LY9: variants seen among roughly 807,000 people sequenced by gnomAD.
LY9 encodes the protein T-lymphocyte surface antigen Ly-9.
LY9 carries 59 observed loss-of-function variants against 64.6 expected under a neutral mutation model. The observed-to-expected ratio is 0.91, with a 90% CI of 0.74 to 1.13. The LOEUF is 1.13. LY9 is among the 50% of genes most tolerant of loss of function. The pLI, the probability that LY9 is intolerant of heterozygous loss-of-function variation, is 0.00. For missense variants in LY9, 789 were observed against 797.2 expected, an observed-to-expected ratio of 0.99 and a Z score of 0.12; for synonymous variants, 281 against 308.5, an observed-to-expected ratio of 0.91 and a Z score of 0.93.
chr1:160,825,721 C>A (rs182582777), intron 9 of LY9, among the ~76,000 whole-genome samples: 2 of 152,062 alleles, frequency 1.3e-5, no homozygotes, highest in African/African-American at 2.4e-5. Context: ...ACCAGCCTGG[C>A]CAACATGGTA....
At position 160,816,627 on chromosome 1, in the gene LY9, T is replaced by C; in HGVS notation, c.1106T>C (p.Leu369Pro). 1 of 1,612,106 alleles carries C rather than the reference T, an allele frequency of 6.2e-7. No individual in the cohort carries two copies. The highest frequency in any genetic ancestry group is 8.5e-7 in the Non-Finnish European group (1 of 1,179,040). The change falls in exon 5 of 10, where the codon CTC (leucine) becomes CCC (proline). Residue 369 changes from leucine to proline, a missense_variant. Leu to Pro is a moderately conservative substitution (Grantham distance 98). Transcript: ENST00000263285. ...RLRKPKITWS[L>P]RHSEDGICRI... ...AGGAAGCCCAAAATCACGTGGAGCC[T>C]CAGGCACAGTGAGGATGGCATCTGC... is the stretch of plus-strand genomic sequence containing the variant.
At chr1:160,827,346 C>G (rs919135127) in intron 9 of LY9, among the ~76,000 whole-genome samples, 1 of 152,198 alleles carries the variant, frequency 6.6e-6, no homozygotes, top group Admixed American at 6.5e-5. Flanking sequence ...AGCTTGGGGA[C>G]TAATGGTCTG....
intron 8 of LY9, 61 bp from the exon 9 acceptor site, chr1:160,824,120 G>A (rs534719082): frequency 6.2e-7 from 1 of 1,607,300 alleles, no homozygotes; most frequent in East Asian, 2.2e-5. Context: ...CAAGGGTTGA[G>A]GGTAAAACTG....
chr1:160,797,132 C>T (rs1400713763), intron 1 of LY9: 19 of 985,504 alleles, frequency 1.9e-5, no homozygotes, highest in Non-Finnish European at 2.2e-5. Flanking sequence ...GGAAACATCT[C>T]TCCGCTGCAT....
intron 2 of LY9, among the ~76,000 whole-genome samples, chr1:160,804,202 T>G (rs1234535623): frequency 6.6e-6 from 1 of 152,210 alleles, no homozygotes; most frequent in Non-Finnish European, 1.5e-5. Context: ...CTTTTCCCCA[T>G]TTGGTACAAT....
intron 2 of LY9, among the ~76,000 whole-genome samples, chr1:160,803,190 G>A (rs114590552): frequency 6.6e-6 from 1 of 152,116 alleles, no homozygotes; most frequent in African/African-American, 2.4e-5. Flanking sequence ...TCTGAGGCGG[G>A]AGAATCACTT....
Position 160,823,695 on chromosome 1 carries a change from C to T in LY9, c.1729C>T (p.Pro577Ser), listed in dbSNP as rs573836033. 7 of 1,614,108 alleles carry T rather than the reference C, an allele frequency of 4.3e-6. No individual in the cohort carries two copies. The Admixed American group carries it at 1.0e-4, about 23-fold the overall frequency. The change falls in exon 8 of 10, where the codon CCT (proline) becomes TCT (serine). Residue 577 changes from proline (P) to serine (S), a missense_variant. Physicochemically the swap from Pro to Ser is moderately conservative, Grantham distance 74 (BLOSUM62 -1). Transcript: ENST00000263285. The stretch of plus-strand genomic sequence containing the variant: ...GGAGGGCGCTGGACATGACCCAGCC[C>T]CTGAGGGCCAAGCAGACTATGATCC... ...TQEGAGHDPA[P>S]EGQADYDPVT...
chr1:160,823,854 A>T, intron 8 of LY9, 58 bp downstream of exon 8: 1 of 1,373,444 alleles, frequency 7.3e-7, no homozygotes, highest in East Asian at 2.3e-5. Flanking sequence ...GGCATCTGAG[A>T]TCCTGGATGA....
At chr1:160,824,350 C>T in intron 9 of LY9, 101 bp downstream of exon 9, 4 of 1,554,530 alleles carry the variant, frequency 2.6e-6, no homozygotes, top group Non-Finnish European at 3.5e-6. Flanking sequence ...GGCTAAGGAT[C>T]TTAAATTCTA....
Position 160,814,416 on chromosome 1 carries a change from C to T in LY9, c.731-4C>T, listed in dbSNP as rs1283632312. The T allele has an allele frequency of 2.5e-6, 4 of 1,599,170 alleles. No individual in the cohort carries two copies. Among genetic ancestry groups the T allele is most frequent in the Admixed American group, 3.4e-5 (2 of 59,024 alleles). Reference sequence around the variant, plus strand: ...AAGCTGCAATGTCTCATCTGTGACCCCAGATCCAGGAGCCTCCAGAGGAGG... The same window carrying T: ...AAGCTGCAATGTCTCATCTGTGACCTCAGATCCAGGAGCCTCCAGAGGAGG... On this transcript the variant is annotated splice_region_variant and splice_polypyrimidine_tract_variant and intron_variant, in intron 3 of 9. Transcript: ENST00000263285.
intron 9 of LY9, among the ~76,000 whole-genome samples, 188 bp from the exon 10 acceptor site, chr1:160,827,560 T>C (rs12060017): frequency 0.023 from 3,450 of 152,276 alleles, 117 homozygotes; most frequent in African/African-American, 0.076. Flanking sequence ...GCCCACAGCC[T>C]TTCCTATTAG....
chr1:160,811,302 TGTCCCTTACA>T (rs1257037766), intron 2 of LY9: 1 of 152,284 alleles, frequency 6.6e-6, no homozygotes, highest in African/African-American at 2.4e-5. Context: ...GTCCTGTCTC[TGTCCCTTACA>T]GTCCAGACTG....
Position 160,813,697 on chromosome 1 carries a change from T to C in LY9, c.516T>C (p.Cys172=). Residue 172 remains cysteine (C), a synonymous_variant, in exon 3 of 10, where the codon TGT becomes TGC. Coordinates refer to ENST00000263285, the MANE Select transcript of LY9 (RefSeq NM_002348.4). ...TGAAGGTGTCTGAGAACTTCTCCTGTAACATCACTCTAATGTGCTCCGTGA... is the reference window on the plus strand; with the variant it reads ...TGAAGGTGTCTGAGAACTTCTCCTGCAACATCACTCTAATGTGCTCCGTGA... The part of the protein sequence containing the change: ...KSVKVSENFS[C]NITLMCSVKG... 1.2e-6 allele frequency: 2 copies of C among 1,614,110 alleles called. No homozygotes were observed. Among genetic ancestry groups the C allele is most frequent in the Non-Finnish European group, 1.7e-6 (2 of 1,179,978 alleles).
At chr1:160,809,875 G>A (rs1667331536) in intron 2 of LY9, 1 of 152,076 alleles carries the variant, frequency 6.6e-6, no homozygotes, top group South Asian at 2.1e-4. Context: ...ATCTCTTCAT[G>A]TTTTATGTTT....
intron 4 of LY9, among the ~76,000 whole-genome samples, chr1:160,816,044 CT>C (rs1345665712): frequency 7.2e-5 from 11 of 152,144 alleles, no homozygotes; most frequent in Non-Finnish European, 1.5e-4. Context: ...AAGTCCATGC[CT>C]ATTGCACACA....
intron 7 of LY9, among the ~76,000 whole-genome samples, chr1:160,821,244 C>G (rs915035011): frequency 6.6e-6 from 1 of 151,458 alleles, no homozygotes; most frequent in African/African-American, 2.4e-5. Flanking sequence ...AGTCTCTCCC[C>G]CAAGAGACAA....
chr1:160,816,510 T>C (rs1444030072), intron 4 of LY9, 84 bp from the exon 5 acceptor site: 7 of 1,434,976 alleles, frequency 4.9e-6, no homozygotes, highest in African/African-American at 1.4e-5. Flanking sequence ...CTCAGCTTCA[T>C]GAATATATTT....
At chr1:160,813,998 A>T (rs1384416024) in intron 3 of LY9, 87 bp downstream of exon 3, 1 of 1,401,544 alleles carries the variant, frequency 7.1e-7, no homozygotes, top group African/African-American at 1.4e-5. Context: ...CTGGTCAGAC[A>T]CACAGGGGGT....
intron 9 of LY9, among the ~76,000 whole-genome samples, chr1:160,827,359 C>T (rs982081902): frequency 6.6e-6 from 1 of 152,184 alleles, no homozygotes; most frequent in Admixed American, 6.5e-5. Flanking sequence ...ATGGTCTGGA[C>T]CATTACTTTG....
Sources: allele counts gnomAD v4.1 joint callset (sites outside exome capture counted in the v4.1 genomes callset), GRCh38; gene constraint gnomAD v4.1.1; transcripts MANE v1.5; gene names NCBI Gene and HGNC (gene_info 2026-07-23, HGNC 2026-07-21).